Variants in HCLS1 observed in about 807,000 individuals in gnomAD.
HCLS1 encodes hematopoietic lineage cell-specific protein.
A neutral mutation model predicts 68.6 loss-of-function variants in HCLS1; 44 were observed. The observed-to-expected ratio is 0.64, with a 90% CI of 0.50 to 0.82. The LOEUF (loss-of-function observed/expected upper bound fraction) is 0.82, where lower values mean the gene tolerates loss of function less well. HCLS1 is among the 40% of genes least tolerant of loss of function. HCLS1 has a pLI of 0.00. For missense variants in HCLS1, 602 were observed against 612.1 expected (o/e 0.98, Z 0.17); for synonymous variants, 217 against 225.8 (o/e 0.96, Z 0.35).
At chr3:121,635,910 C>A in intron 8 of HCLS1, 106 bp from the exon 9 acceptor site, 1 of 817,476 alleles carries the variant, frequency 1.2e-6, no homozygotes, top group Non-Finnish European at 2.1e-6. Context: ...TATCCCTAAC[C>A]ATTGGATGCT....
At chr3:121,646,550 A>C (rs1315039718) in intron 4 of HCLS1, among the ~76,000 whole-genome samples, 1 of 109,346 alleles carries the variant, frequency 9.1e-6, no homozygotes, top group Non-Finnish European at 1.7e-5. Context: ...TATATATTAT[A>C]TATATTAATA....
At chr3:121,636,627 A>G (rs2049153571) in intron 7 of HCLS1, 138 bp from the exon 8 acceptor site, 1 of 697,878 alleles carries the variant, frequency 1.4e-6, no homozygotes, top group South Asian at 1.7e-5. Flanking sequence ...AGAGGGAGGC[A>G]TGGATGGGAA....
chr3:121,657,289 C>T lies in HCLS1; in HGVS notation c.148G>A (p.Glu50Lys), dbSNP rs1475529777. The T allele has an allele frequency of 3.7e-6, 6 of 1,613,860 alleles. No homozygotes were observed. The Admixed American group carries it at 1.0e-4, about 27-fold the overall frequency. ...CCTTTCGGCACCTACTTGATGTGTT[C>T]TGTGCGTCCAGACCCCTCGATGGTC... ...AKTIEGSGRT[E>K]HINIHQLRNK... The change falls in exon 3 of 14, where the codon GAA becomes AAA. Residue 50 changes from glutamate (E) to lysine (K), a missense_variant. Coordinates refer to ENST00000314583, the MANE Select transcript of HCLS1 (RefSeq NM_005335.6).
chr3:121,641,154 C>T (rs1326559954), intron 6 of HCLS1, among the ~76,000 whole-genome samples: 1 of 151,964 alleles, frequency 6.6e-6, no homozygotes, highest in Non-Finnish European at 1.5e-5. Context: ...AACATTCAGA[C>T]ACACCCTAAT....
At chr3:121,643,780 G>A (rs1422121614) in intron 5 of HCLS1, 1 of 152,178 alleles carries the variant, frequency 6.6e-6, no homozygotes, top group African/African-American at 2.4e-5. Context: ...CACACTGACT[G>A]GGTGATTCCA....
At chr3:121,637,013 G>A (rs1259578952) in intron 7 of HCLS1, 133 bp downstream of exon 7, 9 of 665,720 alleles carry the variant, frequency 1.4e-5, no homozygotes, top group Non-Finnish European at 2.5e-5. Context: ...CCACACATGT[G>A]CTTACTGCCC....
chr3:121,632,122 C>A lies in HCLS1; in HGVS notation c.1303G>T (p.Ala435Ser). The A allele has an allele frequency of 6.2e-7, 1 of 1,613,776 alleles. No homozygotes were observed. Among genetic ancestry groups the A allele is most frequent in the Non-Finnish European group, 8.5e-7 (1 of 1,179,814 alleles). Residue 435 changes from alanine (A) to serine (S), a missense_variant, in exon 13 of 14, where the codon GCT (alanine) becomes TCT (serine). Ala to Ser is a moderately conservative substitution (Grantham distance 99). Transcript: ENST00000314583. ...CTACCTCCTTGGTAATCATATACAG[C>A]CACAGCTGAGATCCCCAGAGCCACA... ...GAVALGISAV[A>S]VYDYQGEGSD...
chr3:121,658,391 T>A (rs2107482132), intron 1 of HCLS1, 44 bp from the exon 2 acceptor site: 4 of 1,437,158 alleles, frequency 2.8e-6, no homozygotes, highest in South Asian at 2.3e-5. Context: ...CAAAAAAGGA[T>A]CAAGAGGAGG....
intron 9 of HCLS1, among the ~76,000 whole-genome samples, chr3:121,635,270 T>TCTCC (rs2049140139): frequency 6.9e-6 from 1 of 145,418 alleles, no homozygotes. Flanking sequence ...TCTCTCTCTC[T>TCTCC]CTCTCCTCTC....
chr3:121,650,685 G>C (rs1937730935), intron 3 of HCLS1, among the ~76,000 whole-genome samples: 1 of 152,184 alleles, frequency 6.6e-6, no homozygotes, highest in Non-Finnish European at 1.5e-5. Flanking sequence ...AGCTAAAACT[G>C]TCAGTCCTTT....
chr3:121,632,584 G>T, intron 11 of HCLS1, 21 bp from the exon 12 acceptor site: 1 of 1,592,006 alleles, frequency 6.3e-7, no homozygotes. Context: ...ACAGTGTGGA[G>T]CACTGTGACT....
At chr3:121,655,863 T>G (rs1937854400) in intron 3 of HCLS1, among the ~76,000 whole-genome samples, 1 of 150,156 alleles carries the variant, frequency 6.7e-6, no homozygotes, top group African/African-American at 2.5e-5. Flanking sequence ...TTTATTTATT[T>G]ATTGAGACTG....
At position 121,657,276 on chromosome 3, in the gene HCLS1, T is replaced by TA; in HGVS notation, c.158+2dup. 6.2e-7 allele frequency: 1 copy of TA among 1,613,300 alleles called. No homozygotes were observed. The highest frequency in any genetic ancestry group is 2.2e-5 in the East Asian group (1 of 44,866). The stretch of plus-strand genomic sequence containing the variant: ...CCTTTTCTCCAGTCCTTTCGGCACC[T>TA]ACTTGATGTGTTCTGTGCGTCCAGA... On this transcript the variant is annotated splice_region_variant and intron_variant, in intron 3 of 13. Coordinates refer to ENST00000314583, the MANE Select transcript of HCLS1 (RefSeq NM_005335.6).
chr3:121,660,292 T>C (rs1247002635), intron 1 of HCLS1, among the ~76,000 whole-genome samples: 1 of 152,216 alleles, frequency 6.6e-6, no homozygotes, highest in Non-Finnish European at 1.5e-5. Context: ...GTCTCCTTGA[T>C]TTCTGACATT....
chr3:121,636,630 G>C (rs2108858141), intron 7 of HCLS1, 141 bp from the exon 8 acceptor site: 1 of 683,668 alleles, frequency 1.5e-6, no homozygotes, highest in Non-Finnish European at 2.6e-6. Flanking sequence ...GGGAGGCATG[G>C]ATGGGAAGAG....
chr3:121,632,125 C>A lies in HCLS1; in HGVS notation c.1300G>T (p.Val434Leu). The A allele has an allele frequency of 6.2e-7, 1 of 1,613,808 alleles. No individual in the cohort carries two copies. The highest frequency in any genetic ancestry group is 8.5e-7 in the Non-Finnish European group (1 of 1,179,842). ...CCTCCTTGGTAATCATATACAGCCA[C>A]AGCTGAGATCCCCAGAGCCACAGCC... Reference protein sequence around the residue: ...AGAVALGISAVAVYDYQGEGS... With the variant: ...AGAVALGISALAVYDYQGEGS... Residue 434 changes from valine to leucine, a missense_variant, in exon 13 of 14, where the codon GTG (valine) becomes TTG (leucine). Transcript: ENST00000314583.
intron 1 of HCLS1, among the ~76,000 whole-genome samples, chr3:121,659,315 A>T (rs987044605): frequency 6.6e-6 from 1 of 151,986 alleles, no homozygotes; most frequent in Non-Finnish European, 1.5e-5. Context: ...AAGAAGTAAC[A>T]ACAGACAATG....
intron 3 of HCLS1, among the ~76,000 whole-genome samples, chr3:121,655,150 A>T (rs754643029): frequency 6.6e-6 from 1 of 152,174 alleles, no homozygotes; most frequent in Non-Finnish European, 1.5e-5. Flanking sequence ...GTGCAGGGTC[A>T]CCATGTTGTA....
chr3:121,655,817 T>C (rs1418033519), intron 3 of HCLS1, among the ~76,000 whole-genome samples: 1 of 145,418 alleles, frequency 6.9e-6, no homozygotes, highest in Non-Finnish European at 1.5e-5. Context: ...GCTACTTAAT[T>C]GAAACCATTT....
Sources: gnomAD v4.1 joint callset for allele counts (sites outside exome capture counted in the v4.1 genomes callset) on GRCh38, gnomAD v4.1.1 for gene constraint, MANE v1.5 for transcripts, NCBI Gene and HGNC (gene_info 2026-07-23, HGNC 2026-07-21) for gene names.